The following UQCC5 variants were observed in gnomAD, a reference collection of about 807,000 sequenced individuals.
UQCC5 encodes the protein UPF0640 protein C3orf78.
At chr3:52,541,762 A>C in the UQCC5 span, 4 of 152,218 alleles carry the variant, frequency 2.6e-5, no homozygotes, top group African/African-American at 9.6e-5. Flanking sequence ...ATGATTCTCA[A>C]TTATATGGCC....
chr3:52,538,074 C>T, the UQCC5 span, among the ~76,000 whole-genome samples: 1 of 152,196 alleles, frequency 6.6e-6, no homozygotes, highest in Non-Finnish European at 1.5e-5. Flanking sequence ...TGGAGAATGG[C>T]TCCTTGTGGA....
At chr3:52,539,665 G>A in the UQCC5 span, among the ~76,000 whole-genome samples, 2 of 148,444 alleles carry the variant, frequency 1.3e-5, no homozygotes, top group African/African-American at 5.0e-5. Context: ...TTGAGACAGA[G>A]TCTTGGTCTG....
At chr3:52,540,739 G>C in the UQCC5 span, 4 of 345,114 alleles carry the variant, frequency 1.2e-5, no homozygotes, top group Non-Finnish European at 2.1e-5. Flanking sequence ...TCTAGTCCAT[G>C]AAATATTTCT....
the UQCC5 span, among the ~76,000 whole-genome samples, chr3:52,538,339 C>T: frequency 2.0e-5 from 3 of 152,094 alleles, no homozygotes; most frequent in African/African-American, 4.8e-5. Flanking sequence ...CCATCTGGGA[C>T]GTGACGAGGT....
chr3:52,540,315 C>A, the UQCC5 span: 1 of 778,952 alleles, frequency 1.3e-6, no homozygotes, highest in Non-Finnish European at 2.0e-6. Flanking sequence ...AATATTAATG[C>A]CAAGATTCAG....
At chr3:52,536,615 C>T in the UQCC5 span, 1 of 1,467,294 alleles carries the variant, frequency 6.8e-7, no homozygotes, top group South Asian at 1.4e-5. Context: ...ACTCGTGCGC[C>T]TACCAGACAG....
At chr3:52,540,990 C>A in the UQCC5 span, 1 of 152,682 alleles carries the variant, frequency 6.5e-6, no homozygotes, top group Non-Finnish European at 1.5e-5. Context: ...ATTGACTACG[C>A]ATTTCTCATG....
chr3:52,540,651 TGCTTGAG>T, the UQCC5 span: 1 of 555,570 alleles, frequency 1.8e-6, no homozygotes, highest in Admixed American at 3.9e-5. Context: ...GTTCTGTCTC[TGCTTGAG>T]TACTTCCCAA....
the UQCC5 span, chr3:52,540,505 A>T: frequency 6.7e-7 from 1 of 1,499,322 alleles, no homozygotes. Context: ...TCAGCAGTCA[A>T]TAAAGTCAAT....
chr3:52,536,629 C>A, the UQCC5 span: 5 of 1,476,912 alleles, frequency 3.4e-6, no homozygotes, highest in South Asian at 5.4e-5. Flanking sequence ...CAGACAGTGG[C>A]GGAGGACGGC....
At chr3:52,540,349 T>C in the UQCC5 span, 35,100 of 1,105,266 alleles carry the variant, frequency 0.032, 1,789 homozygotes, top group African/African-American at 0.22. Context: ...ACCTAGACTA[T>C]TGGTTAAATT....
the UQCC5 span, among the ~76,000 whole-genome samples, chr3:52,537,334 A>G: frequency 8.5e-5 from 13 of 152,238 alleles, no homozygotes; most frequent in Middle Eastern, 3.4e-3. Flanking sequence ...GCTAATTACC[A>G]CTACCTTTAC....
At chr3:52,539,769 G>C in the UQCC5 span, among the ~76,000 whole-genome samples, 1 of 151,900 alleles carries the variant, frequency 6.6e-6, no homozygotes, top group Non-Finnish European at 1.5e-5. Flanking sequence ...CTCCTGAGTA[G>C]CTGGGACTAC....
the UQCC5 span, chr3:52,540,689 G>T: frequency 4.4e-6 from 2 of 452,834 alleles, no homozygotes; most frequent in African/African-American, 2.1e-5. Context: ...GACAGCACTT[G>T]TGGGAAAATT....
chr3:52,540,527 C>A, the UQCC5 span: 1 of 1,410,706 alleles, frequency 7.1e-7, no homozygotes, highest in Non-Finnish European at 9.5e-7. Flanking sequence ...TGAATTTTTA[C>A]TATTGGTTTC....
At chr3:52,541,271 T>C in the UQCC5 span, 2 of 151,722 alleles carry the variant, frequency 1.3e-5, no homozygotes, top group Non-Finnish European at 2.9e-5. Context: ...ATCAGCCTGG[T>C]AGAAAAAGCA....
chr3:52,540,551 A>C, the UQCC5 span: 7 of 1,176,486 alleles, frequency 5.9e-6, no homozygotes, highest in African/African-American at 3.2e-5. Context: ...GCCTTTTAAA[A>C]TATACTTTTC....
chr3:52,538,302 C>G, the UQCC5 span, among the ~76,000 whole-genome samples: 10 of 152,168 alleles, frequency 6.6e-5, no homozygotes, highest in South Asian at 1.5e-3. Context: ...CTGAAGGTGC[C>G]GAACACAGGC....
At chr3:52,537,033 T>C in the UQCC5 span, 6 of 1,289,196 alleles carry the variant, frequency 4.7e-6, no homozygotes, top group Non-Finnish European at 6.4e-6. Flanking sequence ...GCGAGTGCAG[T>C]TCCATTCGCT....
Sources: gnomAD v4.1 joint callset for allele counts (sites outside exome capture counted in the v4.1 genomes callset) on GRCh38, gnomAD v4.1.1 for gene constraint, MANE v1.5 for transcripts, NCBI Gene and HGNC (gene_info 2026-07-23, HGNC 2026-07-21) for gene names.